Variants in THSD7B observed in about 807,000 individuals in gnomAD.
THSD7B encodes the protein thrombospondin type 1 domain containing 7B, also known as thrombospondin type-1 domain-containing protein 7B.
Under a neutral mutation model 213.6 loss-of-function variants are expected in THSD7B, and 138 were observed. The observed-to-expected ratio is 0.65, with a 90% CI of 0.56 to 0.74. The LOEUF is 0.74. Ranked by LOEUF, THSD7B falls within the 30% of genes least tolerant of loss-of-function variation. THSD7B has a pLI of 0.00. For synonymous variants in THSD7B, 742 were observed against 687.0 expected (o/e 1.08, Z -1.25); for missense variants, 1,931 against 1,991.5 (o/e 0.97, Z 0.58).
At chr2:136,881,834 CA>C (rs767324767) in intron 1 of THSD7B, among the ~76,000 whole-genome samples, 66 of 151,980 alleles carry the variant, frequency 4.3e-4, no homozygotes, top group Non-Finnish European at 5.4e-4. Context: ...ATAATATTAT[CA>C]CGTTACATTG....
At chr2:137,220,102 A>G (rs1319166186) in intron 7 of THSD7B, among the ~76,000 whole-genome samples, 1 of 152,168 alleles carries the variant, frequency 6.6e-6, no homozygotes, top group Non-Finnish European at 1.5e-5. Flanking sequence ...GCATAGAGCA[A>G]TGTATTTTCT....
chr2:137,303,704 TTA>T (rs1195856483), intron 12 of THSD7B, among the ~76,000 whole-genome samples: 1 of 121,508 alleles, frequency 8.2e-6, no homozygotes, highest in African/African-American at 3.2e-5. Flanking sequence ...TTATATATAT[TTA>T]TATATATATT....
At chr2:136,848,857 C>A (rs1683050966) in intron 1 of THSD7B, among the ~76,000 whole-genome samples, 1 of 150,344 alleles carries the variant, frequency 6.7e-6, no homozygotes. Flanking sequence ...TTCCCAATTT[C>A]TTTTCCTCTT....
intron 10 of THSD7B, among the ~76,000 whole-genome samples, chr2:137,254,895 G>A (rs1452448178): frequency 6.6e-6 from 1 of 152,030 alleles, no homozygotes; most frequent in Admixed American, 6.6e-5. Flanking sequence ...GTGTGCGTGT[G>A]TATGTGTGTA....
At chr2:137,650,315 T>G (rs1282687249) in intron 21 of THSD7B, among the ~76,000 whole-genome samples, 2 of 152,222 alleles carry the variant, frequency 1.3e-5, no homozygotes, top group East Asian at 3.9e-4. Flanking sequence ...TTAAATTGAT[T>G]TGCAGGTGTT....
At chr2:137,319,473 T>C (rs1010888919) in intron 12 of THSD7B, among the ~76,000 whole-genome samples, 5 of 152,204 alleles carry the variant, frequency 3.3e-5, no homozygotes, top group Non-Finnish European at 7.3e-5. Context: ...TCAATGAATA[T>C]TGTTGTGATA....
At chr2:136,856,405 T>C (rs1258370444) in intron 1 of THSD7B, among the ~76,000 whole-genome samples, 1 of 152,226 alleles carries the variant, frequency 6.6e-6, no homozygotes, top group Non-Finnish European at 1.5e-5. Flanking sequence ...GTCATGCTTC[T>C]TTCCAAATTT....
At chr2:136,876,890 G>A (rs1683533759) in intron 1 of THSD7B, among the ~76,000 whole-genome samples, 1 of 152,166 alleles carries the variant, frequency 6.6e-6, no homozygotes, top group Non-Finnish European at 1.5e-5. Flanking sequence ...GTTTGTGGCT[G>A]CAGTCTGTCT....
intron 4 of THSD7B, among the ~76,000 whole-genome samples, chr2:137,099,905 C>A (rs1038057488): frequency 4.6e-5 from 7 of 152,098 alleles, no homozygotes; most frequent in Non-Finnish European, 8.8e-5. Flanking sequence ...TGCCTTGTTT[C>A]TGGTATGTAT....
At chr2:137,348,038 A>G (rs1202131157) in intron 12 of THSD7B, among the ~76,000 whole-genome samples, 2 of 151,636 alleles carry the variant, frequency 1.3e-5, no homozygotes, top group East Asian at 3.9e-4. Context: ...CTGCACTTAA[A>G]TTGGATTATT....
chr2:137,487,690 C>A (rs533386074), intron 15 of THSD7B, among the ~76,000 whole-genome samples: 2 of 149,904 alleles, frequency 1.3e-5, no homozygotes, highest in African/African-American at 4.9e-5. Flanking sequence ...AACACCTCTA[C>A]GCAAATAAAA....
At chr2:137,444,012 A>G (rs1573628914) in intron 14 of THSD7B, among the ~76,000 whole-genome samples, 1 of 152,084 alleles carries the variant, frequency 6.6e-6, no homozygotes, top group East Asian at 1.9e-4. Flanking sequence ...TATTTTGTCG[A>G]TGCTGATGGA....
intron 10 of THSD7B, among the ~76,000 whole-genome samples, chr2:137,255,715 T>G (rs1682290328): frequency 6.6e-6 from 1 of 152,138 alleles, no homozygotes; most frequent in Non-Finnish European, 1.5e-5. Flanking sequence ...TTTCTAAAAC[T>G]TTTCACTTTT....
intron 2 of THSD7B, among the ~76,000 whole-genome samples, chr2:136,907,260 T>C (rs949916013): frequency 8.5e-5 from 13 of 152,182 alleles, no homozygotes; most frequent in African/African-American, 2.2e-4. Context: ...GTGTCATTTT[T>C]ATACAAGTTT....
chr2:137,376,726 T>G (rs2104957939), intron 12 of THSD7B, among the ~76,000 whole-genome samples: 1 of 152,336 alleles, frequency 6.6e-6, no homozygotes, highest in East Asian at 1.9e-4. Flanking sequence ...TAGAATGAAG[T>G]ATGTCTAAAT....
In THSD7B at chr2:137,648,717, A is replaced by T. The variant is rs560670149; in HGVS notation, c.3945+6084A>T. On this transcript the variant is annotated intron_variant, in intron 21 of 27. Coordinates refer to ENST00000409968, the MANE Select transcript of THSD7B (RefSeq NM_001316349.2). ...GTGCAGTTGCCTCTTCAATTTATTG[A>T]TCTCTTTCCCTTCTCTTGAGTATAT... Among the ~76,000 whole-genome samples the T allele has an allele frequency of 2.0e-5, 3 of 151,870 alleles. No homozygotes were observed. In the East Asian group the frequency reaches 5.8e-4, roughly 29 times the overall value.
chr2:137,055,379 T>C (rs1386035219), intron 2 of THSD7B, among the ~76,000 whole-genome samples: 1 of 152,204 alleles, frequency 6.6e-6, no homozygotes, highest in African/African-American at 2.4e-5. Context: ...TCTTTCACTA[T>C]GGTTGAACTA....
chr2:137,563,470 GT>G (rs1558841113), intron 16 of THSD7B, 116 bp downstream of exon 16: 1 of 1,319,940 alleles, frequency 7.6e-7, no homozygotes, highest in East Asian at 2.5e-5. Flanking sequence ...ATATACTCTG[GT>G]TTTTTCTCAT....
intron 15 of THSD7B, among the ~76,000 whole-genome samples, chr2:137,487,297 A>C (rs1558812853): frequency 7.4e-6 from 1 of 134,898 alleles, no homozygotes; most frequent in Non-Finnish European, 1.5e-5. Context: ...GAACCCGGGA[A>C]GCGGAGCTTG....
Sources: gnomAD v4.1 joint callset for allele counts (sites outside exome capture counted in the v4.1 genomes callset) on GRCh38, gnomAD v4.1.1 for gene constraint, MANE v1.5 for transcripts, NCBI Gene and HGNC (gene_info 2026-07-23, HGNC 2026-07-21) for gene names.